FAT3: variants seen among roughly 807,000 people sequenced by gnomAD.
The protein encoded by FAT3 is FAT atypical cadherin 3, also known as protocadherin Fat 3.
Under a neutral mutation model 310.2 loss-of-function variants are expected in FAT3, and 95 were observed. That is an observed-to-expected ratio of 0.31 (90% CI 0.26 to 0.36). The LOEUF is 0.36. Among genes scored for constraint, FAT3 ranks in the 10% least tolerant of loss-of-function variants. The pLI is 1.00. For synonymous variants in FAT3, 2,314 were observed against 2,192.9 expected (o/e 1.06, Z -1.54); for missense variants, 5,408 against 5,715.6 (o/e 0.95, Z 1.74).
intron 22 of FAT3, among the ~76,000 whole-genome samples, chr11:92,873,104 T>A (rs557002123): frequency 6.6e-6 from 1 of 152,328 alleles, no homozygotes; most frequent in Non-Finnish European, 1.5e-5. Flanking sequence ...ATTACAACAA[T>A]AAAGCACCTA....
rs541654839 is a variant in FAT3, at chr11:92,783,029, C to T, written c.4336-6914C>T. On this transcript the variant is annotated intron_variant, in intron 7 of 27. Transcript: ENST00000525166. ...ATCTCCCTCATCAGGGTTTTTCTTT[C>T]GTCTCCTTTTGTGTCATCTGCCTCT... Among the ~76,000 whole-genome samples the T allele has an allele frequency of 7.0e-4, 107 of 152,298 alleles. 1 individual carries two copies. In the Middle Eastern group the frequency reaches 0.01, roughly 15 times the overall value.
intron 3 of FAT3, among the ~76,000 whole-genome samples, chr11:92,625,933 A>G (rs1941313505): frequency 6.6e-6 from 1 of 152,182 alleles, no homozygotes; most frequent in Non-Finnish European, 1.5e-5. Flanking sequence ...AAGTACTGAA[A>G]TTAATGAGTA....
intron 3 of FAT3, among the ~76,000 whole-genome samples, chr11:92,537,409 T>C (rs1251649641): frequency 6.6e-6 from 1 of 152,114 alleles, no homozygotes; most frequent in Non-Finnish European, 1.5e-5. Flanking sequence ...ACAGAGAAGA[T>C]ACCTTGCTGT....
intron 2 of FAT3, among the ~76,000 whole-genome samples, chr11:92,454,413 C>T (rs535075094): frequency 1.3e-5 from 2 of 152,274 alleles, no homozygotes; most frequent in African/African-American, 4.8e-5. Flanking sequence ...CCAACAACAT[C>T]ATCTGGAATT....
chr11:92,808,586 T>A (rs540269197), intron 12 of FAT3, among the ~76,000 whole-genome samples: 1 of 152,302 alleles, frequency 6.6e-6, no homozygotes, highest in East Asian at 1.9e-4. Context: ...ATCTGAGAAC[T>A]GGCTGGCCAT....
chr11:92,610,729 A>G (rs971973943), intron 3 of FAT3, among the ~76,000 whole-genome samples: 3 of 152,152 alleles, frequency 2.0e-5, no homozygotes, highest in African/African-American at 4.8e-5. Context: ...TATAGTTTAA[A>G]TATTTCTTTA....
chr11:92,297,253 T>C (rs1946873724), intron 1 of FAT3, among the ~76,000 whole-genome samples: 2 of 152,248 alleles, frequency 1.3e-5, no homozygotes, highest in South Asian at 4.1e-4. Context: ...AGTGTTTCAT[T>C]GACTTTTTGG....
rs1948630140 is a variant in FAT3 at position 92,353,472 on chromosome 11, T to G, written c.1360T>G (p.Leu454Val). 6.2e-7 allele frequency: 1 copy of G among 1,613,270 alleles called. No individual in the cohort carries two copies. Among genetic ancestry groups the G allele is most frequent in the Non-Finnish European group, 8.5e-7 (1 of 1,179,702 alleles). The change falls in exon 2 of 28, where the codon TTA becomes GTA. Residue 454 changes from leucine (L) to valine (V), a missense_variant. Physicochemically the swap from Leu to Val is conservative, Grantham distance 32. Around this residue, in one of 5 missense-constraint regions of FAT3, gnomAD observed 4,588 missense variants for 4,809.8 expected, o/e 0.95. Coordinates refer to ENST00000525166, the MANE Select transcript of FAT3 (RefSeq NM_001367949.2). The stretch of plus-strand genomic sequence containing the variant: ...GGAGGTGACAAACAAGGAAGGAGAT[T>G]TAAAAGCACAGGTCACCATCAGCAT... Reference protein sequence around the residue: ...KLEVTNKEGDLKAQVTISIED... With the variant: ...KLEVTNKEGDVKAQVTISIED...
At chr11:92,731,418 C>G (rs778954793) in intron 4 of FAT3, among the ~76,000 whole-genome samples, 1 of 151,394 alleles carries the variant, frequency 6.6e-6, no homozygotes, top group Non-Finnish European at 1.5e-5. Flanking sequence ...TCAATACTGC[C>G]CTTGTTGAGA....
At chr11:92,688,175 G>A (rs903461224) in intron 3 of FAT3, among the ~76,000 whole-genome samples, 4 of 151,996 alleles carry the variant, frequency 2.6e-5, no homozygotes, top group African/African-American at 7.2e-5. Context: ...ACTCAGCCTG[G>A]ATGACAGAGC....
At chr11:92,561,768 G>GGCGT (rs945144474) in intron 3 of FAT3, among the ~76,000 whole-genome samples, 1 of 152,034 alleles carries the variant, frequency 6.6e-6, no homozygotes, top group African/African-American at 2.4e-5. Flanking sequence ...TGGGATTGCA[G>GGCGT]GCGTGCACCA....
intron 3 of FAT3, among the ~76,000 whole-genome samples, chr11:92,547,606 C>G (rs1045048002): frequency 2.6e-5 from 4 of 151,924 alleles, no homozygotes; most frequent in African/African-American, 4.8e-5. Context: ...GAGAGCAGGC[C>G]CTACCTCCCC....
At position 92,835,041 on chromosome 11, in the gene FAT3, C is replaced by G; in HGVS notation, c.10043C>G (p.Ala3348Gly). ...PPKFSQDVYS[A>G]VISEDALVGD... ...AAGTTCAGCCAAGACGTCTACAGTGCGGTTATCAGTGAAGACGCCTTGGTG... is the reference window on the plus strand; with the variant it reads ...AAGTTCAGCCAAGACGTCTACAGTGGGGTTATCAGTGAAGACGCCTTGGTG... The change falls in exon 15 of 28, where the codon GCG becomes GGG. Residue 3348 changes from alanine (A) to glycine (G), a missense_variant. Transcript: ENST00000525166. 1 of 1,613,494 alleles carries G rather than the reference C, an allele frequency of 6.2e-7. No individual in the cohort carries two copies. Among genetic ancestry groups the G allele is most frequent in the Non-Finnish European group, 8.5e-7 (1 of 1,179,746 alleles).
chr11:92,717,388 G>T (rs1944723452), intron 4 of FAT3, among the ~76,000 whole-genome samples: 1 of 152,178 alleles, frequency 6.6e-6, no homozygotes, highest in South Asian at 2.1e-4. Context: ...GTGGGTGTGT[G>T]CATTGTACTT....
intron 1 of FAT3, among the ~76,000 whole-genome samples, chr11:92,345,428 G>T (rs529558201): frequency 3.3e-5 from 5 of 152,296 alleles, no homozygotes; most frequent in African/African-American, 9.6e-5. Flanking sequence ...ATTTAGAGCA[G>T]TGGTTCTCAA....
At chr11:92,664,338 G>A (rs1183020951) in intron 3 of FAT3, among the ~76,000 whole-genome samples, 1 of 152,162 alleles carries the variant, frequency 6.6e-6, no homozygotes, top group Non-Finnish European at 1.5e-5. Flanking sequence ...GCTGCTTGAA[G>A]GCAGTGATGG....
At position 92,257,031 on chromosome 11, in the gene FAT3, C is replaced by T. The variant is rs1317490480; in HGVS notation, c.-18+31857C>T. ...CTGAATTTTTGAGGGTTTTAGAACT[C>T]TGTAACCTGCTCTTGACCTTTCTGG... On this transcript the variant is annotated intron_variant, in intron 1 of 27. Coordinates refer to ENST00000525166, the MANE Select transcript of FAT3 (RefSeq NM_001367949.2). Among the ~76,000 whole-genome samples the T allele has an allele frequency of 2.6e-5, 4 of 152,032 alleles. No homozygotes were observed. In the South Asian group the frequency reaches 8.3e-4, roughly 32 times the overall value.
intron 2 of FAT3, among the ~76,000 whole-genome samples, chr11:92,509,275 A>G (rs899355607): frequency 7.9e-5 from 12 of 152,200 alleles, no homozygotes; most frequent in African/African-American, 2.9e-4. Flanking sequence ...TATAATTGAC[A>G]CAATCTTTCT....
intron 2 of FAT3, among the ~76,000 whole-genome samples, chr11:92,463,353 G>A (rs537909063): frequency 6.6e-6 from 1 of 152,204 alleles, no homozygotes; most frequent in East Asian, 1.9e-4. Flanking sequence ...GTTTAGAATT[G>A]CTGGTTCTGG....
Sources: gnomAD v4.1 joint callset for allele counts (sites outside exome capture counted in the v4.1 genomes callset) on GRCh38, gnomAD v4.1.1 for gene constraint, gnomAD v4.1.1 regional missense constraint, MANE v1.5 for transcripts, NCBI Gene and HGNC (gene_info 2026-07-23, HGNC 2026-07-21) for gene names.